NCKAP5L: variants seen among roughly 807,000 people sequenced by gnomAD.
The protein encoded by NCKAP5L is NCK associated protein 5 like.
NCKAP5L carries 54 observed loss-of-function variants against 103.2 expected under a neutral mutation model. That is an observed-to-expected ratio of 0.52 (90% CI 0.42 to 0.66). NCKAP5L has a LOEUF of 0.66. Ranked by LOEUF, NCKAP5L falls within the 30% of genes least tolerant of loss-of-function variation. The pLI, the probability that NCKAP5L is intolerant of heterozygous loss-of-function variation, is 0.00. For synonymous variants in NCKAP5L, 762 were observed against 748.6 expected, an observed-to-expected ratio of 1.02 and a Z score of -0.29; for missense variants, 1,733 against 1,750.6, an observed-to-expected ratio of 0.99 and a Z score of 0.18.
At chr12:49,809,529 A>G (rs1946216945) in intron 1 of NCKAP5L, among the ~76,000 whole-genome samples, 1 of 152,016 alleles carries the variant, frequency 6.6e-6, no homozygotes, top group Non-Finnish European at 1.5e-5. Context: ...AGCTCACTTA[A>G]TCACAGAATC....
intron 1 of NCKAP5L, among the ~76,000 whole-genome samples, chr12:49,809,281 T>C (rs1004732853): frequency 7.9e-5 from 12 of 152,066 alleles, no homozygotes; most frequent in Non-Finnish European, 1.8e-4. Context: ...CTACCTCCTC[T>C]CCAGCAGGGC....
rs1343353474 is a variant in NCKAP5L, at chr12:49,792,322, T to A, written c.3792+124A>T. ...TCACAGGGCATCCCAGGGGTCCTCC[T>A]CCCAGAGGGTGCAGCACTGAGACTG... is the stretch of plus-strand genomic sequence containing the variant. On this transcript the variant is annotated intron_variant, in intron 12 of 12. Transcript: ENST00000335999. The surrounding 1 kb of genome is among the most constrained non-coding windows in gnomAD (Gnocchi z 4.5). The A allele has an allele frequency of 6.5e-7, 1 of 1,539,268 alleles. No individual in the cohort carries two copies. Among genetic ancestry groups the A allele is most frequent in the East Asian group, 2.4e-5 (1 of 40,982 alleles).
Position 49,791,871 on chromosome 12 carries a change from C to T in NCKAP5L, c.3973G>A (p.Asp1325Asn), listed in dbSNP as rs1390052683. The change falls in exon 13 of 13, where the codon GAC (aspartate) becomes AAC (asparagine). Residue 1325 changes from aspartate to asparagine, a missense_variant. Transcript: ENST00000335999. ...TSESLSDSLY[D>N]SLSSCGSQG The stretch of plus-strand genomic sequence containing the variant: ...TGACTCCCACAAGAGGACAGCGAGT[C>T]GTAGAGTGAGTCACTGAGAGACTCC... 1.2e-6 allele frequency: 2 copies of T among 1,611,374 alleles called. No individual in the cohort carries two copies. The highest frequency in any genetic ancestry group is 1.7e-6 in the Non-Finnish European group (2 of 1,178,946).
chr12:49,826,537 G>C (rs914076338), intron 1 of NCKAP5L, among the ~76,000 whole-genome samples: 7 of 152,180 alleles, frequency 4.6e-5, no homozygotes, highest in African/African-American at 1.7e-4. Flanking sequence ...CAACACTTTA[G>C]CTCCCTCTAA....
At chr12:49,823,770 G>A (rs1946386317) in intron 1 of NCKAP5L, among the ~76,000 whole-genome samples, 1 of 152,150 alleles carries the variant, frequency 6.6e-6, no homozygotes, top group Non-Finnish European at 1.5e-5. Context: ...TTAGAAATCA[G>A]TAATAACAGC....
intron 1 of NCKAP5L, among the ~76,000 whole-genome samples, chr12:49,810,365 G>A (rs1946226647): frequency 6.6e-6 from 1 of 152,198 alleles, no homozygotes; most frequent in Non-Finnish European, 1.5e-5. Context: ...AAGAGTCTAG[G>A]CATGGAGTCC....
In NCKAP5L at chr12:49,792,665, C is replaced by T; in HGVS notation, c.3649+13G>A. Reference sequence around the variant, plus strand: ...TGCCCAGGGGCATCCCACCCTCCCACCTGGACACTCACCATCAGGACAGGT... The same window carrying T: ...TGCCCAGGGGCATCCCACCCTCCCATCTGGACACTCACCATCAGGACAGGT... On this transcript the variant is annotated intron_variant, in intron 11 of 12. Coordinates refer to ENST00000335999, the MANE Select transcript of NCKAP5L (RefSeq NM_001037806.4). The surrounding 1 kb of genome is among the most constrained non-coding windows in gnomAD (Gnocchi z 4.5). 2.0e-5 allele frequency: 32 copies of T among 1,613,090 alleles called. No homozygotes were observed. Among genetic ancestry groups the T allele is most frequent in the Non-Finnish European group, 2.7e-5 (32 of 1,179,580 alleles).
At chr12:49,827,808 C>A (rs1946435774) in intron 1 of NCKAP5L, among the ~76,000 whole-genome samples, 1 of 152,212 alleles carries the variant, frequency 6.6e-6, no homozygotes, top group African/African-American at 2.4e-5. Flanking sequence ...CTTCCCCAGG[C>A]CCTACCGCCC....
At chr12:49,804,199 G>C in intron 2 of NCKAP5L, 119 bp from the exon 3 acceptor site, 2 of 940,820 alleles carry the variant, frequency 2.1e-6, no homozygotes, top group Middle Eastern at 3.3e-4. Flanking sequence ...CTCAGGGCCA[G>C]GCTGGGTATC....
rs1230223528 is a variant in NCKAP5L, at chr12:49,797,511, G to A, written c.466-117C>T. Reference sequence around the variant, plus strand: ...CCAGGAACAGAGCTGGCCTGGTTGTGTCTGTGTCCCCAAAAGGAATTAACA... The same window carrying A: ...CCAGGAACAGAGCTGGCCTGGTTGTATCTGTGTCCCCAAAAGGAATTAACA... On this transcript the variant is annotated intron_variant, in intron 7 of 12. Coordinates refer to ENST00000335999, the MANE Select transcript of NCKAP5L (RefSeq NM_001037806.4). The surrounding 1 kb of genome is among the most constrained non-coding windows in gnomAD (Gnocchi z 4.5). 1 of 752,128 alleles carries A rather than the reference G, an allele frequency of 1.3e-6. No homozygotes were observed. The highest frequency in any genetic ancestry group is 1.8e-5 in the South Asian group (1 of 54,230). 46.6% of individuals were successfully genotyped at this position (752,128 alleles called of 1,614,324 possible). A position where few individuals can be genotyped will look rare whatever the true frequency, so the allele number is the denominator to read the frequency against.
chr12:49,795,126 G>A lies in NCKAP5L; in HGVS notation c.2734C>T (p.Arg912Cys), dbSNP rs199875832. 283 of 1,612,634 alleles carry A rather than the reference G, an allele frequency of 1.8e-4. No individual in the cohort carries two copies. Among genetic ancestry groups the A allele is most frequent in the Non-Finnish European group, 2.2e-4 (261 of 1,179,666 alleles). ...CAGCTGGCGATGCTGCTGGTGTTGC[G>A]GTGCTTGACCTCGGCGCCAGGGGCT... ...ERAPGAEVKHRNTSSIASWFG... is the reference protein window; with the variant it reads ...ERAPGAEVKHCNTSSIASWFG... The change falls in exon 8 of 13, where the codon CGC (arginine) becomes TGC (cysteine). Residue 912 changes from arginine (R) to cysteine (C), a missense_variant. Coordinates refer to ENST00000335999, the MANE Select transcript of NCKAP5L (RefSeq NM_001037806.4).
chr12:49,818,634 T>G (rs1457819791), intron 1 of NCKAP5L, among the ~76,000 whole-genome samples: 1 of 152,156 alleles, frequency 6.6e-6, no homozygotes, highest in Non-Finnish European at 1.5e-5. Context: ...GTGCTGGGAT[T>G]ACAGGCAATG....
chr12:49,792,928 G>T lies in NCKAP5L; in HGVS notation c.3399C>A (p.Asp1133Glu), dbSNP rs1300334752. 1.5e-5 allele frequency: 24 copies of T among 1,556,314 alleles called. No individual in the cohort carries two copies. Among genetic ancestry groups the T allele is most frequent in the Non-Finnish European group, 1.7e-5 (20 of 1,158,974 alleles). Residue 1133 changes from aspartate to glutamate, a missense_variant, in exon 11 of 13, where the codon GAC becomes GAA. Physicochemically the swap from Asp to Glu is conservative, Grantham distance 45 (BLOSUM62 2). Transcript: ENST00000335999. This position sits in a 1 kb window ranked among gnomAD's most constrained non-coding sequence, Gnocchi z 4.5. ...DSGIGTFPPP[D>E]HGSSGTPSKN... ...TGCTGGGGGTCCCACTGCTACCATG[G>T]TCTGGGGGTGGGAAGGTCCCAATGC...
chr12:49,820,868 G>A (rs537828304), intron 1 of NCKAP5L, among the ~76,000 whole-genome samples: 4 of 152,308 alleles, frequency 2.6e-5, no homozygotes, highest in Admixed American at 2.6e-4. Flanking sequence ...TGAGATTCAT[G>A]CAGCCAAACC....
At chr12:49,802,103 C>T in intron 5 of NCKAP5L, 136 bp from the exon 6 acceptor site, 1 of 981,678 alleles carries the variant, frequency 1.0e-6, no homozygotes, top group Non-Finnish European at 1.5e-6. Flanking sequence ...CTGCAACCTC[C>T]TTCTATGAGG....
At position 49,795,213 on chromosome 12, in the gene NCKAP5L, T is replaced by A; in HGVS notation, c.2647A>T (p.Ile883Phe). ...GPEGLAPHSA[I>F]EEKVMKGIEE... The stretch of plus-strand genomic sequence containing the variant: ...ATGCCCTTCATCACCTTCTCCTCGA[T>A]GGCTGAGTGTGGGGCCAGCCCCTCA... Residue 883 changes from isoleucine to phenylalanine, a missense_variant, in exon 8 of 13, where the codon ATC becomes TTC. Coordinates refer to ENST00000335999, the MANE Select transcript of NCKAP5L (RefSeq NM_001037806.4). 6.4e-7 allele frequency: 1 copy of A among 1,573,710 alleles called. No homozygotes were observed. The highest frequency in any genetic ancestry group is 8.6e-7 in the Non-Finnish European group (1 of 1,160,066).
At chr12:49,820,241 T>A (rs1045876013) in intron 1 of NCKAP5L, among the ~76,000 whole-genome samples, 1 of 151,522 alleles carries the variant, frequency 6.6e-6, no homozygotes, top group Non-Finnish European at 1.5e-5. Context: ...AGGCTGCACC[T>A]GCACGGGGAG....
chr12:49,812,769 T>C (rs910590074), intron 1 of NCKAP5L, among the ~76,000 whole-genome samples: 1 of 152,240 alleles, frequency 6.6e-6, no homozygotes, highest in African/African-American at 2.4e-5. Flanking sequence ...TTGGCTTGTT[T>C]TCACTTTTTA....
chr12:49,820,315 T>G (rs1416102486), intron 1 of NCKAP5L, among the ~76,000 whole-genome samples: 1 of 126,612 alleles, frequency 7.9e-6, no homozygotes, highest in African/African-American at 3.5e-5. Context: ...CTCCTGGCCT[T>G]TTTTTTTTTT....
Sources: gnomAD v4.1 joint callset for allele counts (sites outside exome capture counted in the v4.1 genomes callset) on GRCh38, gnomAD v4.1.1 for gene constraint, Gnocchi (gnomAD v3.1) non-coding constraint, MANE v1.5 for transcripts, NCBI Gene and HGNC (gene_info 2026-07-23, HGNC 2026-07-21) for gene names.